Variants in KPNA2 observed in about 807,000 individuals in gnomAD.
KPNA2 encodes the protein importin subunit alpha-1.
In KPNA2, 20 loss-of-function variants were observed where a neutral mutation model predicts 53.7. The ratio of observed to expected loss-of-function variants is 0.37; its 90% CI spans 0.26 to 0.54. KPNA2 has a LOEUF of 0.54. Among genes scored for constraint, KPNA2 ranks in the 20% least tolerant of loss-of-function variants. The pLI is 0.83. For missense variants in KPNA2, 515 were observed against 640.3 expected (o/e 0.80, Z 2.11); for synonymous variants, 238 against 227.5 (o/e 1.05, Z -0.42).
chr17:68,040,439 G>A (rs782708924), intron 3 of KPNA2, among the ~76,000 whole-genome samples: 2 of 151,824 alleles, frequency 1.3e-5, no homozygotes, highest in Non-Finnish European at 2.9e-5. Flanking sequence ...CTTTTTTAGC[G>A]ACAAAACACT....
chr17:68,038,065 CT>C (rs568996176), intron 3 of KPNA2, among the ~76,000 whole-genome samples: 85 of 152,332 alleles, frequency 5.6e-4, no homozygotes, highest in African/African-American at 1.6e-3. Flanking sequence ...CAAGCTCCAT[CT>C]CCCGGGTTCA....
chr17:68,045,092 A>G (rs1180042450), intron 9 of KPNA2, among the ~76,000 whole-genome samples: 59 of 138,400 alleles, frequency 4.3e-4, no homozygotes, highest in Middle Eastern at 3.6e-3. Context: ...AACTGTCTTA[A>G]AAAAAAAAAA....
At position 68,037,370 on chromosome 17, in the gene KPNA2, C is replaced by T. The variant is rs782413335; in HGVS notation, c.88C>T (p.Arg30Cys). The change falls in exon 3 of 11, where the codon CGC becomes TGC. Residue 30 changes from arginine (R) to cysteine (C), a missense_variant. Transcript: ENST00000330459. ...KGKDSTEMRR[R>C]RIEVNVELRK... The stretch of plus-strand genomic sequence containing the variant: ...ATCTTTTCTCAAGGAAATGAGGCGT[C>T]GCAGAATAGAGGTCAATGTGGAGCT... 8 of 1,612,984 alleles carry T rather than the reference C, an allele frequency of 5.0e-6. No individual in the cohort carries two copies. The highest frequency in any genetic ancestry group is 2.2e-5 in the East Asian group (1 of 44,876).
In KPNA2 at chr17:68,042,221, A is replaced by G; in HGVS notation, c.439A>G (p.Ile147Val). The part of the protein sequence containing the change: ...QFESAWALTN[I>V]ASGTSEQTKA... ...TGAATCTGCTTGGGCACTCACTAAC[A>G]TTGCTTCTGGGACATCAGAACAAAC... The change falls in exon 5 of 11, where the codon ATT (isoleucine) becomes GTT (valine). Residue 147 changes from isoleucine to valine, a missense_variant. By Grantham distance (29) the Ile-to-Val change is conservative (BLOSUM62 3). Transcript: ENST00000330459. 1.2e-6 allele frequency: 2 copies of G among 1,614,104 alleles called. No individual in the cohort carries two copies. The highest frequency in any genetic ancestry group is 1.7e-6 in the Non-Finnish European group (2 of 1,179,990).
At chr17:68,037,029 G>C in intron 1 of KPNA2, 81 bp from the exon 2 acceptor site, 1 of 930,474 alleles carries the variant, frequency 1.1e-6, no homozygotes, top group Non-Finnish European at 1.8e-6. Context: ...GTAGATGCTT[G>C]ATAATTCAGT....
chr17:68,044,553 A>G, intron 9 of KPNA2, 50 bp downstream of exon 9: 3 of 1,493,388 alleles, frequency 2.0e-6, no homozygotes, highest in Non-Finnish European at 2.8e-6. Context: ...GATAATAATC[A>G]GTTTACTATT....
At position 68,037,142 on chromosome 17, in the gene KPNA2, A is replaced by T; in HGVS notation, c.10A>T (p.Asn4Tyr). The change falls in exon 2 of 11, where the codon AAC becomes TAC. Residue 4 changes from asparagine to tyrosine, a missense_variant. Physicochemically the swap from Asn to Tyr is moderately radical, Grantham distance 143. Transcript: ENST00000330459. Reference sequence around the variant, plus strand: ...CCTTTGTCTCATAACCATGTCCACCAACGAGAATGCTAATACACCAGCTGC... The same window carrying T: ...CCTTTGTCTCATAACCATGTCCACCTACGAGAATGCTAATACACCAGCTGC... MSTNENANTPAARL... is the reference protein window; with the variant it reads MSTYENANTPAARL... The T allele has an allele frequency of 6.2e-7, 1 of 1,613,024 alleles. No individual in the cohort carries two copies. The highest frequency in any genetic ancestry group is 1.7e-4 in the Middle Eastern group (1 of 6,044).
At chr17:68,043,699 A>G (rs1555704975) in intron 7 of KPNA2, 139 bp from the exon 8 acceptor site, 3 of 595,532 alleles carry the variant, frequency 5.0e-6, no homozygotes, top group African/African-American at 4.0e-5. Flanking sequence ...AAAAAAAAAA[A>G]GCATAATCAG....
chr17:68,039,897 A>T (rs1473960776), intron 3 of KPNA2, among the ~76,000 whole-genome samples: 1 of 149,154 alleles, frequency 6.7e-6, no homozygotes, highest in Non-Finnish European at 1.5e-5. Context: ...ACATGGAGAA[A>T]CCCCGTCTCT....
chr17:68,037,505 G>C lies in KPNA2; in HGVS notation c.213+10G>C, dbSNP rs782224390. 5 of 1,609,050 alleles carry C rather than the reference G, an allele frequency of 3.1e-6. No homozygotes were observed. In the East Asian group the frequency reaches 1.1e-4, roughly 36 times the overall value. Reference sequence around the variant, plus strand: ...AAACCGCAACAACCAGGTAAAAAATGTATTTTAGTTTATGAGTTACGTGAA... The same window carrying C: ...AAACCGCAACAACCAGGTAAAAAATCTATTTTAGTTTATGAGTTACGTGAA... On this transcript the variant is annotated intron_variant, in intron 3 of 10. Transcript: ENST00000330459.
At chr17:68,042,485 G>A (rs782641819) in intron 5 of KPNA2, 132 bp downstream of exon 5, 33 of 982,312 alleles carry the variant, frequency 3.4e-5, no homozygotes, top group Non-Finnish European at 5.0e-5. Context: ...GAATGAAAGT[G>A]TCGTCTTTAC....
Position 68,046,632 on chromosome 17 carries a change from C to T in KPNA2, c.*36C>T, listed in dbSNP as rs1059424. On this transcript the variant is annotated 3_prime_UTR_variant, in exon 11 of 11. Coordinates refer to ENST00000330459, the MANE Select transcript of KPNA2 (RefSeq NM_002266.4). ...TGAGACATAAATTTGTTGTGTACTA[C>T]GTTTGGTATTTTGTCTTATTGTTTC... 6.3e-5 allele frequency: 82 copies of T among 1,293,540 alleles called. 3 individuals carry two copies. The South Asian group carries it at 7.0e-4, about 11-fold the overall frequency. The allele number at this position is 1,293,540 out of a possible 1,614,324, so 80.1% of individuals were successfully genotyped here.
chr17:68,041,413 G>C (rs563384199), intron 4 of KPNA2, among the ~76,000 whole-genome samples: 1 of 152,278 alleles, frequency 6.6e-6, no homozygotes, highest in East Asian at 1.9e-4. Context: ...GAAATTATTA[G>C]CTGGGTGTGG....
intron 9 of KPNA2, 134 bp downstream of exon 9, chr17:68,044,637 AC>A (rs1200400997): frequency 8.4e-6 from 6 of 711,358 alleles, no homozygotes; most frequent in Non-Finnish European, 1.5e-5. Context: ...TTATGTGGCC[AC>A]CCCTTTGATT....
chr17:68,035,897 T>C (rs1360175554), intron 1 of KPNA2, 57 bp downstream of exon 1: 6 of 152,222 alleles, frequency 3.9e-5, no homozygotes. Context: ...GTGGGCGGCG[T>C]TCGCCTTTTG....
intron 3 of KPNA2, among the ~76,000 whole-genome samples, chr17:68,038,131 C>T (rs2071212625): frequency 1.3e-5 from 2 of 152,180 alleles, no homozygotes; most frequent in South Asian, 4.1e-4. Flanking sequence ...CGCCCGCACC[C>T]TGTCTGGCTA....
chr17:68,039,861 T>G (rs1599139834), intron 3 of KPNA2, among the ~76,000 whole-genome samples: 2 of 150,900 alleles, frequency 1.3e-5, no homozygotes, highest in South Asian at 4.2e-4. Flanking sequence ...TCACCTGAGG[T>G]TGGCAGTTCG....
chr17:68,038,073 T>C (rs1555704023), intron 3 of KPNA2, among the ~76,000 whole-genome samples: 1 of 152,158 alleles, frequency 6.6e-6, no homozygotes. Context: ...ATCTCCCGGG[T>C]TCACGCCATT....
Position 68,045,874 on chromosome 17 carries a change from G to C in KPNA2, c.1450G>C (p.Val484Leu). The stretch of plus-strand genomic sequence containing the variant: ...TCTACAAAACCATGAAAATGAGTCT[G>C]TGTATAAGGCTTCGTTAAGCTTAAT... ...EALQNHENES[V>L]YKASLSLIEK... The change falls in exon 10 of 11, where the codon GTG becomes CTG. Residue 484 changes from valine to leucine, a missense_variant. Val to Leu is a conservative substitution (Grantham distance 32). Coordinates refer to ENST00000330459, the MANE Select transcript of KPNA2 (RefSeq NM_002266.4). 2.5e-6 allele frequency: 4 copies of C among 1,605,476 alleles called. No homozygotes were observed. Among genetic ancestry groups the C allele is most frequent in the Non-Finnish European group, 3.4e-6 (4 of 1,175,202 alleles).
Sources: gnomAD v4.1 joint callset for allele counts (sites outside exome capture counted in the v4.1 genomes callset) on GRCh38, gnomAD v4.1.1 for gene constraint, MANE v1.5 for transcripts, NCBI Gene and HGNC (gene_info 2026-07-23, HGNC 2026-07-21) for gene names.